Variants in INSC observed in about 807,000 individuals in gnomAD.
The protein encoded by INSC is protein inscuteable homolog.
Under a neutral mutation model 58.6 loss-of-function variants are expected in INSC, and 67 were observed. The ratio of observed to expected loss-of-function variants is 1.14; its 90% confidence interval spans 0.94 to 1.40. The LOEUF is 1.40. Ranked by LOEUF, INSC falls within the 40% of genes most tolerant of loss-of-function variation. INSC has a pLI of 0.00. For synonymous variants in INSC, 262 were observed against 276.1 expected (o/e 0.95, Z 0.51); for missense variants, 714 against 692.0 (o/e 1.03, Z -0.36).
intron 1 of INSC, among the ~76,000 whole-genome samples, chr11:15,146,056 G>T (rs2133738597): frequency 6.6e-6 from 1 of 152,330 alleles, no homozygotes; most frequent in Admixed American, 6.5e-5. Flanking sequence ...CTGTAACAGA[G>T]GATGATGATG....
chr11:15,146,778 G>A (rs1222324501), intron 1 of INSC, among the ~76,000 whole-genome samples: 1 of 152,220 alleles, frequency 6.6e-6, no homozygotes, highest in Non-Finnish European at 1.5e-5. Flanking sequence ...TCACAGAGCT[G>A]TATTTCCGGA....
intron 9 of INSC, among the ~76,000 whole-genome samples, chr11:15,227,760 T>G (rs1851697439): frequency 6.6e-6 from 1 of 152,192 alleles, no homozygotes; most frequent in Non-Finnish European, 1.5e-5. Flanking sequence ...CTTTTTGTGA[T>G]CCGCCTTACT....
chr11:15,242,418 G>A (rs891222997), intron 12 of INSC, among the ~76,000 whole-genome samples: 3 of 152,076 alleles, frequency 2.0e-5, no homozygotes, highest in Non-Finnish European at 2.9e-5. Context: ...TCCATTCTCC[G>A]TGTGGCTTCT....
chr11:15,113,147 G>GCTTTCTTTCTTTCTTTCTCTCTCTCTC (rs1554899413), upstream of INSC, among the ~76,000 whole-genome samples: 2 of 113,748 alleles, frequency 1.8e-5, no homozygotes, highest in African/African-American at 3.1e-5. Flanking sequence ...CTTTCTTTCT[G>GCTTTCTTTCTTTCTTTCTCTCTCTCTC]TCTCTCTCTC....
the INSC span, among the ~76,000 whole-genome samples, chr11:15,266,334 A>G: frequency 3.3e-5 from 5 of 152,072 alleles, no homozygotes; most frequent in South Asian, 1.0e-3. Flanking sequence ...ACATTTCCAG[A>G]TGTCTTAGGA....
intron 4 of INSC, 135 bp from the exon 5 acceptor site, chr11:15,178,189 C>T: frequency 8.4e-7 from 1 of 1,188,438 alleles, no homozygotes. Flanking sequence ...GTGGAATATT[C>T]CATCTCTGAC....
chr11:15,157,711 T>C (rs1444858025), intron 2 of INSC, among the ~76,000 whole-genome samples: 1 of 152,166 alleles, frequency 6.6e-6, no homozygotes, highest in Non-Finnish European at 1.5e-5. Flanking sequence ...CCACAGTCCC[T>C]AGACTCCCAA....
intron 7 of INSC, among the ~76,000 whole-genome samples, chr11:15,208,067 A>G (rs1673921825): frequency 6.6e-6 from 1 of 152,208 alleles, no homozygotes; most frequent in African/African-American, 2.4e-5. Context: ...TGGTTCTAAT[A>G]TATAAGCCAG....
chr11:15,199,676 C>T (rs746308895), intron 6 of INSC, among the ~76,000 whole-genome samples: 8 of 152,220 alleles, frequency 5.3e-5, no homozygotes, highest in Admixed American at 2.0e-4. Context: ...TTTTGGGAAC[C>T]GGTACAATGA....
intron 7 of INSC, among the ~76,000 whole-genome samples, chr11:15,203,849 GA>G (rs36044405): frequency 0.29 from 42,887 of 149,228 alleles, 7,028 homozygotes; most frequent in East Asian, 0.8. Flanking sequence ...TAAATGGTCA[GA>G]AAAAAAAACA....
chr11:15,172,054 A>G (rs1203934449), intron 2 of INSC, among the ~76,000 whole-genome samples: 1 of 152,242 alleles, frequency 6.6e-6, no homozygotes, highest in Admixed American at 6.5e-5. Flanking sequence ...CAGCCTGGGT[A>G]GCCATCCCAA....
At chr11:15,197,320 C>T (rs1850409326) in intron 6 of INSC, among the ~76,000 whole-genome samples, 1 of 152,158 alleles carries the variant, frequency 6.6e-6, no homozygotes, top group Non-Finnish European at 1.5e-5. Context: ...CTCATCTTTT[C>T]ATCCATTTTT....
chr11:15,222,785 G>T (rs1391349644), intron 8 of INSC, among the ~76,000 whole-genome samples: 1 of 152,180 alleles, frequency 6.6e-6, no homozygotes, highest in Non-Finnish European at 1.5e-5. Context: ...GCACTCACAG[G>T]TCAGGCTGGG....
At chr11:15,162,030 A>G (rs1849037045) in intron 2 of INSC, among the ~76,000 whole-genome samples, 1 of 152,326 alleles carries the variant, frequency 6.6e-6, no homozygotes, top group African/African-American at 2.4e-5. Context: ...AAGTCATTCT[A>G]AAGTCATCTA....
chr11:15,217,347 G>T, intron 7 of INSC, among the ~76,000 whole-genome samples: 1 of 152,200 alleles, frequency 6.6e-6, no homozygotes, highest in Middle Eastern at 3.2e-3. Flanking sequence ...ATGACATGGG[G>T]ATTATGGGAA....
At chr11:15,203,137 G>A (rs1052700067) in intron 7 of INSC, among the ~76,000 whole-genome samples, 1 of 152,194 alleles carries the variant, frequency 6.6e-6, no homozygotes. Flanking sequence ...AAATAACATA[G>A]TAAGTGTTAG....
At chr11:15,158,634 A>C (rs1848899221) in intron 2 of INSC, among the ~76,000 whole-genome samples, 1 of 152,134 alleles carries the variant, frequency 6.6e-6, no homozygotes, top group African/African-American at 2.4e-5. Context: ...TCTGAACTCT[A>C]GAGGCCTGGG....
At chr11:15,189,357 A>G (rs940464218) in intron 5 of INSC, among the ~76,000 whole-genome samples, 1 of 151,524 alleles carries the variant, frequency 6.6e-6, no homozygotes, top group African/African-American at 2.4e-5. Context: ...ATTGTTATTT[A>G]CACCATTTTG....
At position 15,142,849 on chromosome 11, in the gene INSC, G is replaced by A. The variant is rs142796231; in HGVS notation, c.-45-6281G>A. On this transcript the variant is annotated intron_variant, in intron 1 of 12. Coordinates refer to ENST00000379556, the MANE Select transcript of INSC (RefSeq NM_001042536.3). ...TTTTTATTATACTTTAAGTTCTAGC[G>A]TACATGTGCACAAAGGTTTGTTACA... Among the ~76,000 whole-genome samples, 102 of 151,692 alleles carry A rather than the reference G, an allele frequency of 6.7e-4. 1 individual carries two copies. Among genetic ancestry groups the A allele is most frequent in the African/African-American group, 2.3e-3 (97 of 41,290 alleles).
Sources: gnomAD v4.1 joint callset for allele counts (sites outside exome capture counted in the v4.1 genomes callset) on GRCh38, gnomAD v4.1.1 for gene constraint, MANE v1.5 for transcripts, NCBI Gene and HGNC (gene_info 2026-07-23, HGNC 2026-07-21) for gene names.